Variants in RTTN observed in about 807,000 individuals in gnomAD.
RTTN encodes rotatin.
RTTN carries 182 observed loss-of-function variants against 269.2 expected under a neutral mutation model. The observed-to-expected ratio is 0.68, with a 90% CI of 0.60 to 0.76. The LOEUF (loss-of-function observed/expected upper bound fraction) is 0.76. Ranked by LOEUF, RTTN falls within the 30% of genes least tolerant of loss-of-function variation. The pLI is 0.00. For missense variants in RTTN, 2,545 were observed against 2,608.6 expected, an observed-to-expected ratio of 0.98 and a Z score of 0.53; for synonymous variants, 1,006 against 963.5, an observed-to-expected ratio of 1.04 and a Z score of -0.82.
At chr18:70,204,948 G>A (rs2062038719) in intron 2 of RTTN, among the ~76,000 whole-genome samples, 180 bp downstream of exon 2, 1 of 152,004 alleles carries the variant, frequency 6.6e-6, no homozygotes, top group African/African-American at 2.4e-5. Context: ...GAGACCATGT[G>A]GGATTCAGTA....
intron 40 of RTTN, among the ~76,000 whole-genome samples, chr18:70,044,837 T>C (rs189911246): frequency 1.3e-5 from 2 of 152,304 alleles, no homozygotes; most frequent in Admixed American, 1.3e-4. Flanking sequence ...GCATATTTCA[T>C]CATACTACTC....
At chr18:70,165,966 T>A in intron 14 of RTTN, 96 bp downstream of exon 14, 1 of 1,218,228 alleles carries the variant, frequency 8.2e-7, no homozygotes, top group Non-Finnish European at 1.1e-6. Flanking sequence ...TTCTTATATC[T>A]CATACAAAAG....
At position 70,184,716 on chromosome 18, in the gene RTTN, T is replaced by TTTTTTTTTTTCTGTG. The variant is rs59000945; in HGVS notation, c.1305+3391_1305+3392insCACAGAAAAAAAAAA. ...AAACCACAGCAGGTTTTTTTTTTTT[T>TTTTTTTTTTTCTGTG]TGTGTGTGTGTGTGTGTGTGTGTGT... On this transcript the variant is annotated intron_variant, in intron 10 of 48. Coordinates refer to ENST00000640769, the MANE Select transcript of RTTN (RefSeq NM_173630.4). 2.2e-3 allele frequency among the ~76,000 whole-genome samples: 74 copies of TTTTTTTTTTTCTGTG among 33,464 alleles called. 21 individuals carry two copies. The highest frequency in any genetic ancestry group is 4.7e-3 in the Non-Finnish European group (58 of 12,314). The allele number at this position is 33,464 out of a possible 152,430, so 22.0% of individuals were successfully genotyped here. A position where few individuals can be genotyped will look rare whatever the true frequency, so the allele number is the denominator to read the frequency against.
At chr18:70,094,561 C>T (rs545096853) in intron 28 of RTTN, among the ~76,000 whole-genome samples, 2 of 152,292 alleles carry the variant, frequency 1.3e-5, no homozygotes, top group South Asian at 4.1e-4. Context: ...CATTCAGGAG[C>T]AGGTTGTTCA....
chr18:70,094,347 G>T (rs1347879974), intron 28 of RTTN, among the ~76,000 whole-genome samples: 1 of 151,976 alleles, frequency 6.6e-6, no homozygotes, highest in Non-Finnish European at 1.5e-5. Context: ...GCTAGCTTTT[G>T]AATTTGTTTG....
At chr18:70,143,174 G>A (rs2060302511) in intron 18 of RTTN, among the ~76,000 whole-genome samples, 1 of 151,936 alleles carries the variant, frequency 6.6e-6, no homozygotes, top group South Asian at 2.1e-4. Flanking sequence ...AAAAATGTCT[G>A]TTCTGTCCTT....
chr18:70,177,301 AATT>A (rs1297434341), intron 10 of RTTN, among the ~76,000 whole-genome samples: 1 of 152,218 alleles, frequency 6.6e-6, no homozygotes, highest in East Asian at 1.9e-4. Flanking sequence ...TCTGTCCTCA[AATT>A]GATACCAACA....
rs563354380 is a variant in RTTN, at chr18:70,153,877, A to T, written c.1930-3144T>A. Among the ~76,000 whole-genome samples, 57 of 152,324 alleles carry T rather than the reference A, an allele frequency of 3.7e-4. 2 individuals carry two copies. The South Asian group carries it at 0.011, about 30-fold the overall frequency. On this transcript the variant is annotated intron_variant, in intron 14 of 48. Coordinates refer to ENST00000640769, the MANE Select transcript of RTTN (RefSeq NM_173630.4). ...ATACACATGAATTTTTTAAAACCAC[A>T]TTGCACTATACAGATGATTATCTTT...
At chr18:70,109,790 TA>T in intron 27 of RTTN, 73 bp from the exon 28 acceptor site, 2 of 1,205,180 alleles carry the variant, frequency 1.7e-6, no homozygotes. Flanking sequence ...TTACTGGCTA[TA>T]AAAGGTTACT....
chr18:70,161,403 C>T (rs571797774), intron 14 of RTTN, among the ~76,000 whole-genome samples: 110 of 151,924 alleles, frequency 7.2e-4, no homozygotes, highest in Non-Finnish European at 1.4e-3. Flanking sequence ...CTAGGAAATA[C>T]CATTCTGGAC....
At chr18:70,136,313 A>G (rs2060122951) in intron 21 of RTTN, among the ~76,000 whole-genome samples, 1 of 152,122 alleles carries the variant, frequency 6.6e-6, no homozygotes, top group Non-Finnish European at 1.5e-5. Context: ...ATCTGGAACT[A>G]GAGAAAGTCC....
At chr18:70,062,259 G>T (rs2058009300) in intron 35 of RTTN, among the ~76,000 whole-genome samples, 1 of 151,854 alleles carries the variant, frequency 6.6e-6, no homozygotes, top group Admixed American at 6.6e-5. Flanking sequence ...ATTTTTTTCA[G>T]CAAGTAAAAC....
intron 32 of RTTN, among the ~76,000 whole-genome samples, chr18:70,079,349 C>T (rs755272910): frequency 8.6e-5 from 13 of 151,976 alleles, no homozygotes; most frequent in Non-Finnish European, 1.8e-4. Flanking sequence ...TTTTATTTAA[C>T]TAAGCATTAA....
chr18:70,150,542 A>G lies in RTTN; in HGVS notation c.2055+66T>C, dbSNP rs959111575. On this transcript the variant is annotated intron_variant, in intron 15 of 48. Coordinates refer to ENST00000640769, the MANE Select transcript of RTTN (RefSeq NM_173630.4). ...ACCATGCTATCTAAACTATATTAGA[A>G]TATCACCTTGATTTAGCTGAGTATC... is the stretch of plus-strand genomic sequence containing the variant. 51 of 1,460,214 alleles carry G rather than the reference A, an allele frequency of 3.5e-5. No individual in the cohort carries two copies. The Middle Eastern group carries it at 9.0e-4, about 26-fold the overall frequency. 90.5% of individuals were successfully genotyped at this position (1,460,214 alleles called of 1,614,324 possible).
At chr18:70,102,859 G>A (rs577575431) in intron 28 of RTTN, among the ~76,000 whole-genome samples, 3 of 152,332 alleles carry the variant, frequency 2.0e-5, no homozygotes, top group African/African-American at 7.2e-5. Flanking sequence ...TGAAATTCTG[G>A]GTTGAAAATT....
chr18:70,144,462 T>C (rs1055370678), intron 18 of RTTN, among the ~76,000 whole-genome samples: 3 of 152,126 alleles, frequency 2.0e-5, no homozygotes, highest in Non-Finnish European at 2.9e-5. Flanking sequence ...CACTTCATGC[T>C]AGAACAGAAT....
chr18:70,184,885 G>A (rs556356709), intron 10 of RTTN, among the ~76,000 whole-genome samples: 36 of 149,642 alleles, frequency 2.4e-4, no homozygotes, highest in African/African-American at 8.1e-4. Flanking sequence ...ACAGAGCGAG[G>A]ACTACATATC....
intron 34 of RTTN, among the ~76,000 whole-genome samples, chr18:70,068,532 C>G (rs2058207713): frequency 6.6e-6 from 1 of 152,200 alleles, no homozygotes; most frequent in African/African-American, 2.4e-5. Flanking sequence ...CCTGATCCCC[C>G]TGTGTCCCCG....
intron 25 of RTTN, among the ~76,000 whole-genome samples, chr18:70,124,925 C>G (rs1027824828): frequency 1.3e-5 from 2 of 152,022 alleles, no homozygotes; most frequent in Middle Eastern, 3.2e-3. Context: ...ATTAAACATG[C>G]AAACTCAACA....
Sources: gnomAD v4.1 joint callset for allele counts (sites outside exome capture counted in the v4.1 genomes callset) on GRCh38, gnomAD v4.1.1 for gene constraint, MANE v1.5 for transcripts, NCBI Gene and HGNC (gene_info 2026-07-23, HGNC 2026-07-21) for gene names.